MAGI2: variants seen among roughly 807,000 people sequenced by gnomAD.
The protein encoded by MAGI2 is membrane associated guanylate kinase, WW and PDZ domain containing 2, also known as membrane-associated guanylate kinase, WW and PDZ domain-containing protein 2.
MAGI2 carries 35 observed loss-of-function variants against 133.3 expected under a neutral mutation model. The observed-to-expected ratio is 0.26, with a 90% confidence interval of 0.20 to 0.35. MAGI2 has a LOEUF of 0.35. Among genes scored for constraint, MAGI2 ranks in the 10% least tolerant of loss-of-function variants. The probability of loss-of-function intolerance (pLI) is 1.00; values close to 1 mark genes in which losing one functional copy is unlikely to be tolerated. For missense variants in MAGI2, 1,636 were observed against 1,863.4 expected, an observed-to-expected ratio of 0.88 and a Z score of 2.25; for synonymous variants, 729 against 710.6, an observed-to-expected ratio of 1.03 and a Z score of -0.41.
At chr7:78,167,854 TG>T (rs1254176894) in intron 15 of MAGI2, 61 bp downstream of exon 15, 2 of 1,507,298 alleles carry the variant, frequency 1.3e-6, no homozygotes, top group Non-Finnish European at 1.8e-6. Flanking sequence ...GGCCTTACCA[TG>T]TCTCACAAAA....
chr7:78,339,454 TTTTTA>T lies in MAGI2; in HGVS notation c.1408+4319_1408+4323del, dbSNP rs199866515. Among the ~76,000 whole-genome samples the T allele has an allele frequency of 1.4e-3, 208 of 152,350 alleles. 2 individuals carry two copies. Among genetic ancestry groups the T allele is most frequent in the Admixed American group, 9.5e-3 (145 of 15,294 alleles). ...AGAAAAAAGATTTTCTATTCAAATATTTTTATTTTGTCTTTTAAGTTTACACTGAA... is the reference window on the plus strand; with the variant it reads ...AGAAAAAAGATTTTCTATTCAAATATTTTTGTCTTTTAAGTTTACACTGAA... On this transcript the variant is annotated intron_variant, in intron 9 of 21. Coordinates refer to ENST00000354212, the MANE Select transcript of MAGI2 (RefSeq NM_012301.4).
intron 9 of MAGI2, among the ~76,000 whole-genome samples, chr7:78,288,316 T>G (rs1584732906): frequency 6.6e-6 from 1 of 152,180 alleles, no homozygotes; most frequent in Non-Finnish European, 1.5e-5. Context: ...CCTTCTAAAT[T>G]TAATCGCTTA....
At chr7:78,306,288 G>C (rs913824963) in intron 9 of MAGI2, among the ~76,000 whole-genome samples, 1 of 152,150 alleles carries the variant, frequency 6.6e-6, no homozygotes, top group Non-Finnish European at 1.5e-5. Flanking sequence ...AGTTATGTGA[G>C]TGATGAACTC....
At chr7:78,997,542 C>T (rs374338395) in intron 2 of MAGI2, among the ~76,000 whole-genome samples, 1 of 147,850 alleles carries the variant, frequency 6.8e-6, no homozygotes. Context: ...GTGGAGATTG[C>T]GGTGAGCCGA....
intron 1 of MAGI2, among the ~76,000 whole-genome samples, chr7:79,337,496 C>A (rs1335345285): frequency 1.3e-5 from 2 of 152,172 alleles, no homozygotes; most frequent in South Asian, 4.1e-4. Flanking sequence ...CATAAGTCAG[C>A]AGTGCAGAAA....
chr7:79,011,925 CTTT>C (rs1808177828), intron 1 of MAGI2, among the ~76,000 whole-genome samples: 2 of 77,876 alleles, frequency 2.6e-5, no homozygotes, highest in Non-Finnish European at 5.3e-5. Context: ...TCCTTCCTTC[CTTT>C]CTTTCTTTCT....
intron 1 of MAGI2, among the ~76,000 whole-genome samples, chr7:79,039,874 A>ACAT (rs1192019772): frequency 1.4e-5 from 2 of 143,730 alleles, no homozygotes; most frequent in Non-Finnish European, 3.0e-5. Context: ...TATAATATAT[A>ACAT]TGTATATATA....
At chr7:78,111,306 C>T (rs1336829228) in intron 20 of MAGI2, among the ~76,000 whole-genome samples, 1 of 152,152 alleles carries the variant, frequency 6.6e-6, no homozygotes, top group Non-Finnish European at 1.5e-5. Context: ...TCCATAGGCA[C>T]CGGCCCCCAC....
chr7:79,240,668 G>C (rs1211086258), intron 1 of MAGI2, among the ~76,000 whole-genome samples: 1 of 152,152 alleles, frequency 6.6e-6, no homozygotes, highest in East Asian at 1.9e-4. Context: ...TTTCAAGGAA[G>C]ATTAGGAACA....
chr7:79,307,982 C>T (rs1585513189), intron 1 of MAGI2, among the ~76,000 whole-genome samples: 1 of 152,122 alleles, frequency 6.6e-6, no homozygotes, highest in East Asian at 1.9e-4. Flanking sequence ...TTCCACATTC[C>T]TACAGAAAAA....
intron 1 of MAGI2, among the ~76,000 whole-genome samples, chr7:79,102,089 A>G (rs1818036026): frequency 6.6e-6 from 1 of 152,098 alleles, no homozygotes; most frequent in Admixed American, 6.6e-5. Flanking sequence ...ACAAATTTTA[A>G]TGACTTCATT....
At chr7:78,788,928 C>G (rs991416832) in intron 2 of MAGI2, among the ~76,000 whole-genome samples, 1 of 152,132 alleles carries the variant, frequency 6.6e-6, no homozygotes, top group Admixed American at 6.5e-5. Flanking sequence ...TGCCTCTGTA[C>G]CCCTACGAGA....
intron 1 of MAGI2, among the ~76,000 whole-genome samples, chr7:79,109,484 A>C (rs1456236374): frequency 2.0e-5 from 3 of 152,180 alleles, no homozygotes; most frequent in Non-Finnish European, 2.9e-5. Context: ...GGCGGAAGAA[A>C]TGTCTAAGGA....
At chr7:79,238,198 T>C (rs1832082711) in intron 1 of MAGI2, among the ~76,000 whole-genome samples, 1 of 152,192 alleles carries the variant, frequency 6.6e-6, no homozygotes, top group East Asian at 1.9e-4. Flanking sequence ...TAAAATTGAT[T>C]TCTCACCTCT....
At chr7:79,276,236 G>A (rs1055380861) in intron 1 of MAGI2, among the ~76,000 whole-genome samples, 9 of 152,124 alleles carry the variant, frequency 5.9e-5, no homozygotes, top group African/African-American at 1.2e-4. Flanking sequence ...CAGCATTAAC[G>A]TGTGCTTGGG....
At chr7:78,421,393 T>G (rs1464306096) in intron 6 of MAGI2, among the ~76,000 whole-genome samples, 1 of 152,224 alleles carries the variant, frequency 6.6e-6, no homozygotes, top group African/African-American at 2.4e-5. Context: ...GGCCAAATTG[T>G]AGACATAATT....
intron 12 of MAGI2, among the ~76,000 whole-genome samples, chr7:78,189,192 A>C (rs1382878965): frequency 6.6e-6 from 1 of 152,214 alleles, no homozygotes; most frequent in Non-Finnish European, 1.5e-5. Flanking sequence ...CTGAACAACG[A>C]AAGAATTCAA....
chr7:78,276,089 C>CAAGAGATCT (rs1795030811), intron 9 of MAGI2, among the ~76,000 whole-genome samples: 1 of 152,110 alleles, frequency 6.6e-6, no homozygotes, highest in South Asian at 2.1e-4. Flanking sequence ...TCTAGGGAAG[C>CAAGAGATCT]AAGAGATCTA....
intron 1 of MAGI2, among the ~76,000 whole-genome samples, chr7:79,377,951 C>A (rs1421502393): frequency 1.3e-5 from 2 of 151,732 alleles, no homozygotes; most frequent in African/African-American, 2.4e-5. Flanking sequence ...TAATGTGTGT[C>A]AAAAAATACA....
Sources: gnomAD v4.1 joint callset for allele counts (sites outside exome capture counted in the v4.1 genomes callset) on GRCh38, gnomAD v4.1.1 for gene constraint, MANE v1.5 for transcripts, NCBI Gene and HGNC (gene_info 2026-07-23, HGNC 2026-07-21) for gene names.